Variants in GCH1 observed in about 807,000 individuals in gnomAD.
The protein encoded by GCH1 is GTP cyclohydrolase I.
In GCH1, 5 loss-of-function variants were observed where a neutral mutation model predicts 25.9. That is an observed-to-expected ratio of 0.19 (90% CI 0.10 to 0.41). GCH1 has a LOEUF of 0.41. Ranked by LOEUF, GCH1 falls within the 10% of genes least tolerant of loss-of-function variation. The probability of loss-of-function intolerance (pLI) is 1.00; values close to 1 mark genes in which losing one functional copy is unlikely to be tolerated. For synonymous variants in GCH1, 159 were observed against 129.6 expected, an observed-to-expected ratio of 1.23 and a Z score of -1.54; for missense variants, 261 against 336.5, an observed-to-expected ratio of 0.78 and a Z score of 1.75.
In GCH1 at chr14:54,842,687, T is replaced by C. The variant is rs2039576494; in HGVS notation, c.*1330A>G. The stretch of plus-strand genomic sequence containing the variant: ...TTACTTTTAGGGTAATGGGATGAAT[T>C]TGAAGAGCACTATGTCAACCAAATA... On this transcript the variant is annotated 3_prime_UTR_variant, in exon 6 of 6. Transcript: ENST00000491895. The C allele has an allele frequency of 1.2e-5, 3 of 256,138 alleles. No homozygotes were observed. Among genetic ancestry groups the C allele is most frequent in the Non-Finnish European group, 2.2e-5 (3 of 136,846 alleles). The allele number at this position is 256,138 out of a possible 1,614,324, so 15.9% of individuals were successfully genotyped here. A position where few individuals can be genotyped will look rare whatever the true frequency, so the allele number is the denominator to read the frequency against.
chr14:54,847,023 C>T, intron 4 of GCH1, 76 bp downstream of exon 4: 1 of 610,004 alleles, frequency 1.6e-6, no homozygotes, highest in South Asian at 1.7e-5. Flanking sequence ...GAGCAAGACT[C>T]TGTCTCAAAA....
chr14:54,844,323 C>T (rs774119504), intron 5 of GCH1, among the ~76,000 whole-genome samples, 180 bp from the exon 6 acceptor site: 1 of 152,148 alleles, frequency 6.6e-6, no homozygotes, highest in Non-Finnish European at 1.5e-5. Context: ...TGCTATTGAA[C>T]ATAATGGCAA....
chr14:54,879,020 A>G (rs1159405247), intron 1 of GCH1, among the ~76,000 whole-genome samples: 2 of 152,100 alleles, frequency 1.3e-5, no homozygotes, highest in African/African-American at 4.8e-5. Context: ...TCAGCCTCCC[A>G]AAGTGCTCGA....
At chr14:54,867,785 T>C in intron 1 of GCH1, among the ~76,000 whole-genome samples, 1 of 152,088 alleles carries the variant, frequency 6.6e-6, no homozygotes, top group Non-Finnish European at 1.5e-5. Context: ...GTTATTGTTA[T>C]TACTATTATT....
At position 54,887,523 on chromosome 14, in the gene GCH1, T is replaced by A. The variant is rs1377892691; in HGVS notation, c.343+14798A>T. On this transcript the variant is annotated intron_variant, in intron 1 of 5. Transcript: ENST00000491895. ...AGGGGTTGGGGGCGGTAGGCGCTAT[T>A]CCAGATTAAAACGTAATAATCAAAT... Among the ~76,000 whole-genome samples, 4 of 152,222 alleles carry A rather than the reference T, an allele frequency of 2.6e-5. No individual in the cohort carries two copies. In the East Asian group the frequency reaches 5.8e-4, roughly 22 times the overall value.
chr14:54,885,680 G>A (rs2040341846), intron 1 of GCH1: 1 of 225,656 alleles, frequency 4.4e-6, no homozygotes, highest in Admixed American at 5.4e-5. Flanking sequence ...CCTGAGGTCA[G>A]GAGTTCGAGG....
At chr14:54,899,976 T>G (rs566005218) in intron 1 of GCH1, among the ~76,000 whole-genome samples, 2 of 151,738 alleles carry the variant, frequency 1.3e-5, no homozygotes, top group African/African-American at 4.8e-5. Context: ...ATGATTCTCC[T>G]ACCTCAGCTT....
intron 1 of GCH1, among the ~76,000 whole-genome samples, chr14:54,879,674 T>C (rs2040215585): frequency 6.6e-6 from 1 of 152,004 alleles, no homozygotes; most frequent in Non-Finnish European, 1.5e-5. Flanking sequence ...TTACATGTTG[T>C]TTGTAAACAT....
At chr14:54,901,305 C>T (rs1245488623) in intron 1 of GCH1, among the ~76,000 whole-genome samples, 1 of 152,158 alleles carries the variant, frequency 6.6e-6, no homozygotes. Context: ...CACCAAGACA[C>T]ACGGAAGGTG....
At chr14:54,870,825 T>G (rs886948885) in intron 1 of GCH1, among the ~76,000 whole-genome samples, 3 of 152,228 alleles carry the variant, frequency 2.0e-5, no homozygotes, top group Non-Finnish European at 4.4e-5. Context: ...TTGCCGAGGC[T>G]TGAGTAGGTA....
In GCH1 at chr14:54,899,477, T is replaced by A. The variant is rs116524802; in HGVS notation, c.343+2844A>T. On this transcript the variant is annotated intron_variant, in intron 1 of 5. Transcript: ENST00000491895. ...TGTCTCAAAAACATGAAAATAAACA[T>A]AATAATAATAATCTTAAATGGTCCG... 9.6e-3 allele frequency among the ~76,000 whole-genome samples: 1,459 copies of A among 151,764 alleles called. 27 individuals are homozygous for A. The highest frequency in any genetic ancestry group is 0.033 in the African/African-American group (1,369 of 41,402).
intron 1 of GCH1, among the ~76,000 whole-genome samples, chr14:54,880,599 CATAT>C (rs1203054895): frequency 3.2e-5 from 1 of 30,984 alleles, no homozygotes; most frequent in Non-Finnish European, 5.3e-5. Flanking sequence ...ATATATACTC[CATAT>C]ATATATATAC....
intron 1 of GCH1, among the ~76,000 whole-genome samples, chr14:54,896,918 CA>C (rs562487591): frequency 0.019 from 1,302 of 67,212 alleles, 12 homozygotes; most frequent in African/African-American, 0.038. Context: ...GACTTCATCT[CA>C]AAAAAAAAAA....
At chr14:54,862,531 T>A (rs910844301) in intron 2 of GCH1, among the ~76,000 whole-genome samples, 4 of 150,656 alleles carry the variant, frequency 2.7e-5, no homozygotes, top group Admixed American at 1.3e-4. Flanking sequence ...CACAGGTGCA[T>A]GCCACCATGC....
chr14:54,865,466 G>T (rs376604789), intron 1 of GCH1, 30 bp from the exon 2 acceptor site: 1 of 1,049,762 alleles, frequency 9.5e-7, no homozygotes, highest in Non-Finnish European at 1.5e-6. Context: ...TTAGTAACAT[G>T]TCCAATTTTA....
chr14:54,902,171 C>T (rs969569389), intron 1 of GCH1, 150 bp downstream of exon 1: 3 of 819,320 alleles, frequency 3.7e-6, no homozygotes, highest in African/African-American at 1.7e-5. Context: ...CTCGGCAGGG[C>T]GGCAGGCTAG....
intron 1 of GCH1, among the ~76,000 whole-genome samples, chr14:54,898,113 C>T (rs2040513266): frequency 6.6e-6 from 1 of 152,162 alleles, no homozygotes; most frequent in Non-Finnish European, 1.5e-5. Context: ...GGTGGGATAG[C>T]TCATGCCTGT....
rs1186262695 is a variant in GCH1, at chr14:54,843,182, A to T, written c.*835T>A. On this transcript the variant is annotated 3_prime_UTR_variant, in exon 6 of 6. Coordinates refer to ENST00000491895, the MANE Select transcript of GCH1 (RefSeq NM_000161.3). Reference sequence around the variant, plus strand: ...GGATCACACAAAGGAAACTCAATAAACCTATAAAGTTAAAACTGAGCTGAC... The same window carrying T: ...GGATCACACAAAGGAAACTCAATAATCCTATAAAGTTAAAACTGAGCTGAC... 2.0e-6 allele frequency: 3 copies of T among 1,478,540 alleles called. No homozygotes were observed. The highest frequency in any genetic ancestry group is 2.7e-6 in the Non-Finnish European group (3 of 1,117,236). 91.6% of individuals were successfully genotyped at this position (1,478,540 alleles called of 1,614,324 possible).
chr14:54,871,997 TG>T (rs2040086445), intron 1 of GCH1, among the ~76,000 whole-genome samples: 2 of 151,566 alleles, frequency 1.3e-5, no homozygotes, highest in Admixed American at 1.3e-4. Context: ...ATACAGAGAA[TG>T]CCACAAAGAT....
Sources: allele counts gnomAD v4.1 joint callset (sites outside exome capture counted in the v4.1 genomes callset), GRCh38; gene constraint gnomAD v4.1.1; transcripts MANE v1.5; gene names NCBI Gene and HGNC (gene_info 2026-07-23, HGNC 2026-07-21).